AGMO: variants seen among roughly 807,000 people sequenced by gnomAD.
AGMO encodes glyceryl-ether monooxygenase.
Under a neutral mutation model 60.2 loss-of-function variants are expected in AGMO, and 75 were observed. The observed-to-expected ratio is 1.25, with a 90% CI of 1.03 to 1.51. AGMO has a LOEUF of 1.51. Ranked by LOEUF, AGMO falls within the 40% of genes most tolerant of loss-of-function variation. AGMO has a pLI of 0.00. For missense variants in AGMO, 763 were observed against 525.5 expected (o/e 1.45, Z -4.42); for synonymous variants, 261 against 177.1 (o/e 1.47, Z -3.76).
At chr7:15,537,328 C>G (rs1354997875) in intron 3 of AGMO, among the ~76,000 whole-genome samples, 2 of 152,072 alleles carry the variant, frequency 1.3e-5, no homozygotes, top group Admixed American at 6.6e-5. Context: ...AGCAGTTGCA[C>G]GGTGGTGCAC....
At chr7:15,321,694 A>C (rs951744920) in intron 12 of AGMO, among the ~76,000 whole-genome samples, 1 of 152,144 alleles carries the variant, frequency 6.6e-6, no homozygotes, top group African/African-American at 2.4e-5. Context: ...CGGAACAAAA[A>C]TCAAATTTAA....
At chr7:15,368,649 AT>A (rs1020283765) in intron 10 of AGMO, among the ~76,000 whole-genome samples, 1 of 152,192 alleles carries the variant, frequency 6.6e-6, no homozygotes, top group Non-Finnish European at 1.5e-5. Context: ...ATTGATGGTC[AT>A]GGTTAGTATT....
At chr7:15,255,550 A>AAAG (rs1783070673) in intron 12 of AGMO, among the ~76,000 whole-genome samples, 1 of 147,102 alleles carries the variant, frequency 6.8e-6, no homozygotes, top group African/African-American at 2.6e-5. Context: ...AAAAAAAAAA[A>AAAG]GAAAGAAAGA....
At chr7:15,132,534 C>G in the AGMO span, among the ~76,000 whole-genome samples, 4 of 152,164 alleles carry the variant, frequency 2.6e-5, no homozygotes, top group Non-Finnish European at 5.9e-5. Flanking sequence ...CTCCTTATCT[C>G]CATTCCAATA....
intron 12 of AGMO, among the ~76,000 whole-genome samples, chr7:15,348,020 GAAGTT>G (rs896429686): frequency 1.3e-5 from 2 of 151,996 alleles, no homozygotes; most frequent in African/African-American, 4.8e-5. Flanking sequence ...ACATTTTCCT[GAAGTT>G]AACTGTTACT....
chr7:15,512,474 A>G (rs897793225), intron 3 of AGMO, among the ~76,000 whole-genome samples: 1 of 152,062 alleles, frequency 6.6e-6, no homozygotes, highest in Admixed American at 6.5e-5. Context: ...GCTGGTCTCG[A>G]ACTCCTGAGC....
At chr7:15,502,577 C>A (rs573977554) in intron 3 of AGMO, among the ~76,000 whole-genome samples, 367 of 151,944 alleles carry the variant, frequency 2.4e-3, no homozygotes, top group Middle Eastern at 0.01. Context: ...CACCTCTTCT[C>A]CTGGATTCTG....
At chr7:15,320,865 T>C (rs1388502425) in intron 12 of AGMO, among the ~76,000 whole-genome samples, 30 of 152,186 alleles carry the variant, frequency 2.0e-4, no homozygotes, top group Non-Finnish European at 1.3e-4. Flanking sequence ...ATATGTTACA[T>C]TTGGATGGTA....
At chr7:15,378,443 C>G (rs373145874) in intron 10 of AGMO, among the ~76,000 whole-genome samples, 29 of 152,032 alleles carry the variant, frequency 1.9e-4, no homozygotes, top group African/African-American at 7.0e-4. Context: ...TTTCCAATTG[C>G]TTGGTAGTGT....
At chr7:15,315,328 C>CCT (rs1780888580) in intron 12 of AGMO, among the ~76,000 whole-genome samples, 1 of 48,182 alleles carries the variant, frequency 2.1e-5, no homozygotes, top group African/African-American at 7.6e-5. Context: ...TGGATATTTG[C>CCT]TTTTTTTTTT....
chr7:15,312,812 C>G (rs1780806097), intron 12 of AGMO, among the ~76,000 whole-genome samples: 1 of 151,710 alleles, frequency 6.6e-6, no homozygotes, highest in Non-Finnish European at 1.5e-5. Context: ...GGGACCACAG[C>G]TGAGCACCAC....
At chr7:15,420,723 A>G (rs1780900256) in intron 4 of AGMO, among the ~76,000 whole-genome samples, 1 of 152,190 alleles carries the variant, frequency 6.6e-6, no homozygotes, top group Non-Finnish European at 1.5e-5. Context: ...TTTATATGGT[A>G]CTAAGTTAAC....
At chr7:15,531,563 C>CTA (rs1400319530) in intron 3 of AGMO, among the ~76,000 whole-genome samples, 12 of 18,448 alleles carry the variant, frequency 6.5e-4, no homozygotes, top group African/African-American at 1.5e-3. Flanking sequence ...TATATATTCT[C>CTA]TATATATTCC....
intron 8 of AGMO, 50 bp downstream of exon 8, chr7:15,390,621 G>C (rs760667341): frequency 1.0e-5 from 14 of 1,383,014 alleles, no homozygotes; most frequent in Non-Finnish European, 1.4e-5. Context: ...TTAACTATAA[G>C]ATTTATGAAA....
rs548185033 is a variant in AGMO at position 15,367,179 on chromosome 7, G to A, written c.1075-957C>T. 2.6e-5 allele frequency among the ~76,000 whole-genome samples: 4 copies of A among 151,458 alleles called. No homozygotes were observed. The South Asian group carries it at 8.3e-4, about 32-fold the overall frequency. Reference sequence around the variant, plus strand: ...GTCTGGTCTTTTGTACTTTTCTTTAGGAAAAATGAATTAAAGGGTACAGTT... The same window carrying A: ...GTCTGGTCTTTTGTACTTTTCTTTAAGAAAAATGAATTAAAGGGTACAGTT... On this transcript the variant is annotated intron_variant, in intron 10 of 12. Coordinates refer to ENST00000342526, the MANE Select transcript of AGMO (RefSeq NM_001004320.2).
chr7:15,470,355 T>C (rs1782418608), intron 3 of AGMO, among the ~76,000 whole-genome samples: 1 of 152,168 alleles, frequency 6.6e-6, no homozygotes, highest in Admixed American at 6.6e-5. Context: ...ACAACATTAA[T>C]GGTCTAAATA....
intron 8 of AGMO, 111 bp downstream of exon 8, chr7:15,390,560 T>G: frequency 1.4e-6 from 1 of 722,988 alleles, no homozygotes; most frequent in South Asian, 3.2e-5. Context: ...AGTTAAAAAT[T>G]TTTTCAGGTT....
At chr7:15,259,427 A>G (rs1309415622) in intron 12 of AGMO, among the ~76,000 whole-genome samples, 1 of 152,148 alleles carries the variant, frequency 6.6e-6, no homozygotes, top group Non-Finnish European at 1.5e-5. Flanking sequence ...ATACAAACCT[A>G]AGAATAATTT....
chr7:15,486,628 TAA>T (rs1161276625), intron 3 of AGMO, among the ~76,000 whole-genome samples: 1 of 152,204 alleles, frequency 6.6e-6, no homozygotes, highest in Non-Finnish European at 1.5e-5. Flanking sequence ...GGTTAAATTA[TAA>T]GACACCAATT....
Sources: gnomAD v4.1 joint callset for allele counts (sites outside exome capture counted in the v4.1 genomes callset) on GRCh38, gnomAD v4.1.1 for gene constraint, MANE v1.5 for transcripts, NCBI Gene and HGNC (gene_info 2026-07-23, HGNC 2026-07-21) for gene names.